Variants in DYNC1I1 observed in about 807,000 individuals in gnomAD.
DYNC1I1 encodes cytoplasmic dynein 1 intermediate chain 1.
Under a neutral mutation model 86.6 loss-of-function variants are expected in DYNC1I1, and 43 were observed. The ratio of observed to expected loss-of-function variants is 0.50; its 90% CI spans 0.39 to 0.64. DYNC1I1 has a LOEUF of 0.64. Among genes scored for constraint, DYNC1I1 ranks in the 30% least tolerant of loss-of-function variants. The pLI, the probability that DYNC1I1 is intolerant of heterozygous loss-of-function variation, is 0.00. For missense variants in DYNC1I1, 604 were observed against 788.8 expected, an observed-to-expected ratio of 0.77 and a Z score of 2.81; for synonymous variants, 262 against 283.7, an observed-to-expected ratio of 0.92 and a Z score of 0.77.
chr7:95,922,608 G>A (rs553069050), intron 6 of DYNC1I1, among the ~76,000 whole-genome samples: 4 of 152,050 alleles, frequency 2.6e-5, no homozygotes, highest in South Asian at 2.1e-4. Context: ...GTAAGACAAC[G>A]AGCTGGGACA....
At chr7:95,932,611 G>A (rs1791927628) in intron 6 of DYNC1I1, among the ~76,000 whole-genome samples, 1 of 152,140 alleles carries the variant, frequency 6.6e-6, no homozygotes, top group African/African-American at 2.4e-5. Context: ...TGAAACCATT[G>A]AATATGTCAA....
intron 14 of DYNC1I1, among the ~76,000 whole-genome samples, chr7:96,071,866 G>C (rs1790173611): frequency 6.6e-6 from 1 of 152,154 alleles, no homozygotes; most frequent in Non-Finnish European, 1.5e-5. Context: ...AAGAATAGAG[G>C]TAACAGATCT....
At chr7:95,778,821 AGCTG>A (rs1793911781) in intron 1 of DYNC1I1, among the ~76,000 whole-genome samples, 3 of 151,918 alleles carry the variant, frequency 2.0e-5, no homozygotes. Flanking sequence ...CCACCACACC[AGCTG>A]GTTAAAAAAT....
At chr7:95,943,417 G>A (rs376026975) in intron 6 of DYNC1I1, among the ~76,000 whole-genome samples, 8 of 151,654 alleles carry the variant, frequency 5.3e-5, no homozygotes, top group South Asian at 2.1e-4. Context: ...ATGGGTAGGA[G>A]GAATCAATAT....
intron 2 of DYNC1I1, among the ~76,000 whole-genome samples, chr7:95,808,767 C>G (rs1002379248): frequency 1.3e-5 from 2 of 152,186 alleles, no homozygotes; most frequent in African/African-American, 2.4e-5. Flanking sequence ...TGTGATTACT[C>G]TCCACCAACA....
intron 6 of DYNC1I1, among the ~76,000 whole-genome samples, chr7:95,954,038 A>C (rs952648100): frequency 6.6e-6 from 1 of 152,038 alleles, no homozygotes; most frequent in Non-Finnish European, 1.5e-5. Context: ...CTGCTCTGGA[A>C]ACAGCCCTGT....
intron 2 of DYNC1I1, among the ~76,000 whole-genome samples, chr7:95,806,145 A>G (rs1794695899): frequency 6.6e-6 from 1 of 152,200 alleles, no homozygotes; most frequent in African/African-American, 2.4e-5. Flanking sequence ...TGCAAAGTCA[A>G]AAAAAGCATT....
chr7:95,806,691 G>C (rs1437542287), intron 2 of DYNC1I1, among the ~76,000 whole-genome samples: 1 of 152,146 alleles, frequency 6.6e-6, no homozygotes, highest in Non-Finnish European at 1.5e-5. Flanking sequence ...TTTCTGATTT[G>C]AGTGATCTGA....
chr7:95,875,388 G>C (rs1790283982), intron 6 of DYNC1I1, among the ~76,000 whole-genome samples: 1 of 152,216 alleles, frequency 6.6e-6, no homozygotes, highest in Admixed American at 6.5e-5. Context: ...AATCAGAGGT[G>C]CCGAGAGAAT....
At position 96,028,265 on chromosome 7, in the gene DYNC1I1, C is replaced by T. The variant is rs902089808; in HGVS notation, c.1060C>T (p.Arg354Cys). The part of the protein sequence containing the change: ...YSGQIVLWDN[R>C]SHRRTPVQRT... ...GGGCCAGATTGTCCTCTGGGACAAT[C>T]GCAGTCATCGAAGGACTCCAGTGCA... Residue 354 changes from arginine to cysteine, a missense_variant, in exon 11 of 17, where the codon CGC becomes TGC. Transcript: ENST00000447467. The T allele has an allele frequency of 5.0e-6, 8 of 1,613,690 alleles. No homozygotes were observed. Among genetic ancestry groups the T allele is most frequent in the African/African-American group, 1.3e-5 (1 of 74,872 alleles).
intron 4 of DYNC1I1, among the ~76,000 whole-genome samples, chr7:95,819,665 T>G (rs981912033): frequency 2.0e-5 from 3 of 152,104 alleles, no homozygotes; most frequent in African/African-American, 7.2e-5. Flanking sequence ...TACAAAAAAA[T>G]TTTAAAGTAT....
At chr7:95,974,240 T>C (rs1793246587) in intron 6 of DYNC1I1, among the ~76,000 whole-genome samples, 1 of 152,198 alleles carries the variant, frequency 6.6e-6, no homozygotes, top group African/African-American at 2.4e-5. Context: ...TTGGTTTCTC[T>C]CCACTGGAAT....
At chr7:96,027,552 C>A (rs1349478973) in intron 10 of DYNC1I1, among the ~76,000 whole-genome samples, 1 of 152,078 alleles carries the variant, frequency 6.6e-6, no homozygotes, top group Non-Finnish European at 1.5e-5. Flanking sequence ...CAAGGAATAA[C>A]ATTAAGAATT....
chr7:96,077,776 C>G (rs1259663064), intron 15 of DYNC1I1, among the ~76,000 whole-genome samples: 1 of 152,182 alleles, frequency 6.6e-6, no homozygotes, highest in African/African-American at 2.4e-5. Flanking sequence ...AACTCCTTAA[C>G]AATTCCTATG....
At chr7:95,823,797 T>A (rs1195000219) in intron 4 of DYNC1I1, among the ~76,000 whole-genome samples, 1 of 151,584 alleles carries the variant, frequency 6.6e-6, no homozygotes, top group African/African-American at 2.4e-5. Flanking sequence ...ATCTAAAATA[T>A]AACAGTCTTA....
intron 9 of DYNC1I1, among the ~76,000 whole-genome samples, chr7:95,991,792 G>T (rs902933151): frequency 1.1e-4 from 16 of 152,140 alleles, no homozygotes; most frequent in African/African-American, 3.1e-4. Flanking sequence ...CAAGGCTCAA[G>T]GTCTCATTTC....
chr7:95,830,284 G>T (rs566311551), intron 5 of DYNC1I1, among the ~76,000 whole-genome samples: 1 of 152,130 alleles, frequency 6.6e-6, no homozygotes, highest in South Asian at 2.1e-4. Context: ...GCACATCCAT[G>T]AAATTATTAC....
At chr7:96,014,726 G>T (rs979419147) in intron 10 of DYNC1I1, among the ~76,000 whole-genome samples, 1 of 152,168 alleles carries the variant, frequency 6.6e-6, no homozygotes, top group African/African-American at 2.4e-5. Flanking sequence ...TCAAGCTACG[G>T]ATCTTGTTTT....
chr7:95,823,407 T>A (rs903757788), intron 4 of DYNC1I1, among the ~76,000 whole-genome samples: 4 of 152,228 alleles, frequency 2.6e-5, no homozygotes, highest in Admixed American at 6.5e-5. Context: ...CTGTCTTTCC[T>A]ATGGCATTTA....
Sources: gnomAD v4.1 joint callset for allele counts (sites outside exome capture counted in the v4.1 genomes callset) on GRCh38, gnomAD v4.1.1 for gene constraint, MANE v1.5 for transcripts, NCBI Gene and HGNC (gene_info 2026-07-23, HGNC 2026-07-21) for gene names.